The following RBFOX1 variants were observed in gnomAD, a reference collection of about 807,000 sequenced individuals.
The protein encoded by RBFOX1 is RNA binding fox-1 homolog 1.
A neutral mutation model predicts 57.7 loss-of-function variants in RBFOX1; 8 were observed. That is an observed-to-expected ratio of 0.14 (90% CI 0.08 to 0.25). The LOEUF is 0.25. Among genes scored for constraint, RBFOX1 ranks in the 10% least tolerant of loss-of-function variants. RBFOX1 has a pLI of 1.00. For synonymous variants in RBFOX1, 326 were observed against 222.4 expected (o/e 1.47, Z -4.15); for missense variants, 611 against 548.5 (o/e 1.11, Z -1.14).
intron 3 of RBFOX1, among the ~76,000 whole-genome samples, chr16:6,734,122 C>T (rs948033705): frequency 6.6e-6 from 1 of 152,170 alleles, no homozygotes; most frequent in Non-Finnish European, 1.5e-5. Context: ...GCACAGGGAT[C>T]CGCCAGAATT....
chr16:6,695,810 C>G (rs1228425707), intron 3 of RBFOX1, among the ~76,000 whole-genome samples: 1 of 152,114 alleles, frequency 6.6e-6, no homozygotes, highest in Non-Finnish European at 1.5e-5. Flanking sequence ...ATTGTCATGT[C>G]CTGTTTTGTT....
At chr16:7,271,710 C>T (rs941713708) in intron 4 of RBFOX1, among the ~76,000 whole-genome samples, 1 of 152,062 alleles carries the variant, frequency 6.6e-6, no homozygotes, top group Non-Finnish European at 1.5e-5. Flanking sequence ...GGAAATATTT[C>T]ATGGGGGTCA....
intron 3 of RBFOX1, among the ~76,000 whole-genome samples, chr16:6,893,932 A>G (rs1471428450): frequency 6.6e-6 from 1 of 152,200 alleles, no homozygotes; most frequent in Non-Finnish European, 1.5e-5. Context: ...CTGGAGAATG[A>G]ACATAGAGAG....
At chr16:5,849,166 TTTC>T (rs981501221) in intron 3 of RBFOX1, among the ~76,000 whole-genome samples, 1 of 152,068 alleles carries the variant, frequency 6.6e-6, no homozygotes, top group East Asian at 1.9e-4. Context: ...TGAACTCATA[TTTC>T]TTCTTTTTTC....
chr16:5,985,050 A>G (rs1318261448), intron 4 of RBFOX1, among the ~76,000 whole-genome samples: 1 of 136,654 alleles, frequency 7.3e-6, no homozygotes, highest in Non-Finnish European at 1.5e-5. Context: ...TAGTAGTGCG[A>G]TCTTGGCTCA....
intron 1 of RBFOX1, among the ~76,000 whole-genome samples, chr16:5,343,361 C>A (rs1383672585): frequency 1.4e-5 from 2 of 138,298 alleles, no homozygotes; most frequent in South Asian, 4.6e-4. Flanking sequence ...ATTGCCCAGG[C>A]TGGAGTACAG....
chr16:6,860,611 A>T (rs1028477680), intron 3 of RBFOX1, among the ~76,000 whole-genome samples: 1 of 152,190 alleles, frequency 6.6e-6, no homozygotes, highest in Admixed American at 6.5e-5. Context: ...ATCCAAGCAA[A>T]ACATTAGGAA....
At chr16:5,986,436 G>C (rs2060287999) in intron 4 of RBFOX1, among the ~76,000 whole-genome samples, 2 of 152,138 alleles carry the variant, frequency 1.3e-5, no homozygotes, top group African/African-American at 4.8e-5. Context: ...ACTTTACCCA[G>C]TTTCTCCCAG....
At chr16:6,263,367 C>G (rs1437081635) in intron 1 of RBFOX1, among the ~76,000 whole-genome samples, 1 of 152,050 alleles carries the variant, frequency 6.6e-6, no homozygotes, top group East Asian at 1.9e-4. Flanking sequence ...AGAATGATAT[C>G]TATGTTTTCA....
chr16:6,918,389 G>C (rs1204619511), intron 3 of RBFOX1, among the ~76,000 whole-genome samples: 1 of 152,080 alleles, frequency 6.6e-6, no homozygotes, highest in African/African-American at 2.4e-5. Flanking sequence ...AAGCTACCCG[G>C]GTGATTCTGG....
chr16:6,051,275 A>G (rs1027531853), intron 1 of RBFOX1, among the ~76,000 whole-genome samples: 2 of 151,830 alleles, frequency 1.3e-5, no homozygotes, highest in African/African-American at 4.8e-5. Context: ...CATCATCTTG[A>G]TAATCGGCCT....
At chr16:6,941,011 T>A (rs1225039368) in intron 3 of RBFOX1, among the ~76,000 whole-genome samples, 1 of 151,924 alleles carries the variant, frequency 6.6e-6, no homozygotes, top group Non-Finnish European at 1.5e-5. Flanking sequence ...CCGGCCCCCC[T>A]TATCGTATAC....
intron 3 of RBFOX1, among the ~76,000 whole-genome samples, chr16:6,822,651 C>A (rs961672401): frequency 6.6e-6 from 1 of 152,162 alleles, no homozygotes; most frequent in East Asian, 1.9e-4. Context: ...GGTTAGACAA[C>A]CCCATGCTAA....
chr16:6,508,509 C>G (rs923730093), intron 2 of RBFOX1, among the ~76,000 whole-genome samples: 1 of 152,086 alleles, frequency 6.6e-6, no homozygotes, highest in African/African-American at 2.4e-5. Context: ...CCCTTAAAAC[C>G]TTCCAAAGGT....
intron 11 of RBFOX1, among the ~76,000 whole-genome samples, chr16:7,632,039 A>G (rs533922229): frequency 6.6e-6 from 1 of 152,206 alleles, no homozygotes; most frequent in African/African-American, 2.4e-5. Context: ...CCTCCCAAGT[A>G]GCCGGGATTA....
intron 4 of RBFOX1, among the ~76,000 whole-genome samples, chr16:7,189,054 C>G (rs908663487): frequency 1.3e-5 from 2 of 152,044 alleles, no homozygotes; most frequent in East Asian, 1.9e-4. Context: ...AGTGATTTCT[C>G]GAAAAGGAAT....
chr16:7,421,619 C>T (rs1467708104), intron 4 of RBFOX1, among the ~76,000 whole-genome samples: 1 of 152,246 alleles, frequency 6.6e-6, no homozygotes, highest in Non-Finnish European at 1.5e-5. Flanking sequence ...CCGAGGCCCC[C>T]AGTTGGCTGC....
rs186665324 is a variant in RBFOX1 at position 6,639,190 on chromosome 16, G to C, written c.-63-15413G>C. Among the ~76,000 whole-genome samples the C allele has an allele frequency of 6.0e-4, 92 of 152,308 alleles. 2 individuals are homozygous for C. Among genetic ancestry groups the C allele is most frequent in the Non-Finnish European group, 1.3e-4 (9 of 68,032 alleles). On this transcript the variant is annotated intron_variant, in intron 2 of 15. Coordinates refer to ENST00000550418, the MANE Select transcript of RBFOX1 (RefSeq NM_018723.4). ...TGTGCGCTAGCTCTGTTGACCTTCA[G>C]CTGTGCTGCGCCTTCTTTAATTGGC...
intron 1 of RBFOX1, among the ~76,000 whole-genome samples, chr16:6,191,652 G>T (rs2097142651): frequency 6.6e-6 from 1 of 152,092 alleles, no homozygotes; most frequent in Non-Finnish European, 1.5e-5. Context: ...TTTTTTTGTT[G>T]CATGGTCCAA....
Sources: gnomAD v4.1 joint callset for allele counts (sites outside exome capture counted in the v4.1 genomes callset) on GRCh38, gnomAD v4.1.1 for gene constraint, MANE v1.5 for transcripts, NCBI Gene and HGNC (gene_info 2026-07-23, HGNC 2026-07-21) for gene names.